Variants in CES1 observed in about 807,000 individuals in gnomAD.
CES1 encodes the protein carboxylesterase 1, also known as liver carboxylesterase 1.
In CES1, 50 loss-of-function variants were observed where a neutral mutation model predicts 53.0. The observed-to-expected ratio is 0.94, with a 90% CI of 0.75 to 1.19. The LOEUF is 1.19. Ranked by LOEUF, CES1 falls within the 50% of genes most tolerant of loss-of-function variation. CES1 has a pLI of 0.00. For missense variants in CES1, 534 were observed against 538.0 expected (o/e 0.99, Z 0.07); for synonymous variants, 202 against 210.1 (o/e 0.96, Z 0.33).
chr16:55,819,418 A>T, intron 7 of CES1, 117 bp downstream of exon 7: 1 of 796,024 alleles, frequency 1.3e-6, no homozygotes, highest in Non-Finnish European at 2.2e-6. Flanking sequence ...TTCCCCATTC[A>T]GATACTGAGA....
At chr16:55,817,746 CTG>C (rs1436839948) in intron 7 of CES1, among the ~76,000 whole-genome samples, 1 of 140,582 alleles carries the variant, frequency 7.1e-6, no homozygotes, top group Non-Finnish European at 1.5e-5. Context: ...ATGTGTTTCT[CTG>C]TGTGTGTGTC....
chr16:55,812,286 T>C (rs1201213009), intron 9 of CES1: 1 of 156,610 alleles, frequency 6.4e-6, no homozygotes, highest in African/African-American at 2.4e-5. Flanking sequence ...GCAGGTTTGA[T>C]CATGGGTAAT....
chr16:55,828,273 A>G (rs2032494383), intron 2 of CES1: 3 of 253,722 alleles, frequency 1.2e-5, no homozygotes, highest in Non-Finnish European at 2.4e-5. Flanking sequence ...AGAGTTGAGC[A>G]CTTGCCGAGT....
At chr16:55,820,965 G>C (rs142406459) in intron 5 of CES1, among the ~76,000 whole-genome samples, 1 of 152,116 alleles carries the variant, frequency 6.6e-6, no homozygotes, top group Non-Finnish European at 1.5e-5. Flanking sequence ...AATGACCTCT[G>C]TCCACCTCTT....
At chr16:55,830,237 A>C (rs1327682727) in intron 1 of CES1, among the ~76,000 whole-genome samples, 2 of 152,142 alleles carry the variant, frequency 1.3e-5, no homozygotes, top group African/African-American at 4.8e-5. Flanking sequence ...TTAATAGCCA[A>C]CCCTGCAATG....
At chr16:55,810,429 T>C (rs747418147) in intron 11 of CES1, 88 bp downstream of exon 11, 6 of 1,553,252 alleles carry the variant, frequency 3.9e-6, no homozygotes, top group Non-Finnish European at 5.3e-6. Context: ...CTCAGCTGTT[T>C]CCATGTCTGT....
rs1373955453 is a variant in CES1 at position 55,828,895 on chromosome 16, A to C, written c.132T>G (p.Phe44Leu). Reference sequence around the variant, plus strand: ...CCAGGAAAATGGCCACAGGCTGTGCAAATCCTTCTAAGCTGACGAACTTCC... The same window carrying C: ...CCAGGAAAATGGCCACAGGCTGTGCCAATCCTTCTAAGCTGACGAACTTCC... ...VLGKFVSLEG[F>L]AQPVAIFLGI... is the part of the protein sequence containing the mutation. Residue 44 changes from phenylalanine to leucine, a missense_variant, in exon 2 of 14, where the codon TTT (phenylalanine) becomes TTG (leucine). Coordinates refer to ENST00000360526, the MANE Select transcript of CES1 (RefSeq NM_001025195.2). 1.2e-6 allele frequency: 2 copies of C among 1,614,202 alleles called. No individual in the cohort carries two copies. Among genetic ancestry groups the C allele is most frequent in the Admixed American group, 3.3e-5 (2 of 60,030 alleles).
Position 55,810,485 on chromosome 16 carries a change from T to G in CES1, c.1318+32A>C, listed in dbSNP as rs753181463. ...GTCAGATACAGAAGCTCGTGGGGTT[T>G]GTGTCCCTCCCGTTCGACCTCTGGG... is the stretch of plus-strand genomic sequence containing the variant. On this transcript the variant is annotated intron_variant, in intron 11 of 13. Coordinates refer to ENST00000360526, the MANE Select transcript of CES1 (RefSeq NM_001025195.2). The G allele has an allele frequency of 3.7e-6, 6 of 1,613,784 alleles. No individual in the cohort carries two copies. In the East Asian group the frequency reaches 1.3e-4, roughly 36 times the overall value.
intron 1 of CES1, 26 bp from the exon 2 acceptor site, chr16:55,829,000 G>T: frequency 6.3e-7 from 1 of 1,575,860 alleles, no homozygotes; most frequent in Non-Finnish European, 8.6e-7. Flanking sequence ...AAATCAGGAT[G>T]CATCAGAGGC....
intron 5 of CES1, among the ~76,000 whole-genome samples, chr16:55,820,928 C>G (rs2032157356): frequency 6.6e-6 from 1 of 152,210 alleles, no homozygotes; most frequent in South Asian, 2.1e-4. Context: ...CATGTCCCCT[C>G]CACATGTAGG....
In CES1 at chr16:55,818,065, A is replaced by G. The variant is rs150369064; in HGVS notation, c.907-1103T>C. Among the ~76,000 whole-genome samples, 28 of 152,332 alleles carry G rather than the reference A, an allele frequency of 1.8e-4. No homozygotes were observed. The East Asian group carries it at 5.4e-3, about 29-fold the overall frequency. ...ACCAATACCACATTGGACTCAACTC[A>G]TGGAAACACAAGCAGAGTCCAGTGA... is the stretch of plus-strand genomic sequence containing the variant. On this transcript the variant is annotated intron_variant, in intron 7 of 13. Transcript: ENST00000360526.
intron 4 of CES1, 89 bp downstream of exon 4, chr16:55,823,461 G>A: frequency 6.6e-7 from 1 of 1,516,338 alleles, no homozygotes; most frequent in South Asian, 1.1e-5. Flanking sequence ...ACCTAGCTAA[G>A]CTCCCCTGAG....
rs368649793 is a variant in CES1, at chr16:55,832,518, C to T, written c.52+486G>A. Among the ~76,000 whole-genome samples, 1,086 of 151,180 alleles carry T rather than the reference C, an allele frequency of 7.2e-3. 11 individuals are homozygous for T. Among genetic ancestry groups the T allele is most frequent in the African/African-American group, 0.022 (914 of 40,826 alleles). On this transcript the variant is annotated intron_variant, in intron 1 of 13. Coordinates refer to ENST00000360526, the MANE Select transcript of CES1 (RefSeq NM_001025195.2). ...CCTCACCAAAGCCCAGTGAGGTAGG[C>T]AGCACTGCCACCTCTGTTTCAGAGA...
chr16:55,808,317 C>T (rs1212385667), intron 11 of CES1, among the ~76,000 whole-genome samples: 1 of 144,770 alleles, frequency 6.9e-6, no homozygotes, highest in Non-Finnish European at 1.5e-5. Flanking sequence ...CTTACAATCA[C>T]AACACAAGTC....
intron 3 of CES1, among the ~76,000 whole-genome samples, chr16:55,824,226 C>T (rs1484678993): frequency 6.6e-6 from 1 of 152,242 alleles, no homozygotes; most frequent in African/African-American, 2.4e-5. Context: ...CCTGCAGAAC[C>T]CAGCCTAAAA....
chr16:55,826,791 C>T (rs1178151726), intron 2 of CES1, among the ~76,000 whole-genome samples: 1 of 152,186 alleles, frequency 6.6e-6, no homozygotes, highest in African/African-American at 2.4e-5. Context: ...TGCCAAGATT[C>T]TACCACCTGC....
At position 55,823,537 on chromosome 16, in the gene CES1, T is replaced by C; in HGVS notation, c.539+13A>G. On this transcript the variant is annotated intron_variant, in intron 4 of 13. Coordinates refer to ENST00000360526, the MANE Select transcript of CES1 (RefSeq NM_001025195.2). ...GGGGGCCAAAGTGCAGTGAGGAGAG[T>C]CCGATTTCTTACCTGAAGAATCCCC... is the stretch of plus-strand genomic sequence containing the variant. 1 of 1,610,162 alleles carries C rather than the reference T, an allele frequency of 6.2e-7. No homozygotes were observed. The highest frequency in any genetic ancestry group is 1.4e-5 in the African/African-American group (1 of 72,764).
In CES1 at chr16:55,812,947, T is replaced by C. The variant is rs145135221; in HGVS notation, c.1042A>G (p.Met348Val). 1.3e-4 allele frequency: 210 copies of C among 1,614,082 alleles called. No individual in the cohort carries two copies. The South Asian group carries it at 2.1e-3, about 16-fold the overall frequency. ...AERNFHTVPY[M>V]VGINKQEFGW... ...AACTCCTGCTTGTTAATTCCGACCA[T>C]GTAGGGGACAGTGTGGAAATTCCTT... The change falls in exon 9 of 14, where the codon ATG (methionine) becomes GTG (valine). Residue 348 changes from methionine (M) to valine (V), a missense_variant. Met to Val is a conservative substitution (Grantham distance 21). Transcript: ENST00000360526.
In CES1 at chr16:55,828,932, C is replaced by A; in HGVS notation, c.95G>T (p.Gly32Val). 1 of 1,613,582 alleles carries A rather than the reference C, an allele frequency of 6.2e-7. No homozygotes were observed. The highest frequency in any genetic ancestry group is 8.5e-7 in the Non-Finnish European group (1 of 1,179,814). Residue 32 changes from glycine (G) to valine (V), a missense_variant, in exon 2 of 14, where the codon GGC becomes GTC. By Grantham distance (109) the Gly-to-Val change is moderately radical. Around this residue, in one of 5 missense-constraint regions of CES1, gnomAD observed 164 missense variants for 162.4 expected, o/e 1.01. Coordinates refer to ENST00000360526, the MANE Select transcript of CES1 (RefSeq NM_001025195.2). ...GCTGACGAACTTCCCCAGCACTTTG[C>A]CATGCACGGTGTCCACCACAGGTGG... ...SSPPVVDTVHGKVLGKFVSLE... is the reference protein window; with the variant it reads ...SSPPVVDTVHVKVLGKFVSLE...
Sources: gnomAD v4.1 joint callset for allele counts (sites outside exome capture counted in the v4.1 genomes callset) on GRCh38, gnomAD v4.1.1 for gene constraint, gnomAD v4.1.1 regional missense constraint, MANE v1.5 for transcripts, NCBI Gene and HGNC (gene_info 2026-07-23, HGNC 2026-07-21) for gene names.